ADGB: variants seen among roughly 807,000 people sequenced by gnomAD.
The protein encoded by ADGB is calpain-7-like protein.
In ADGB, 172 loss-of-function variants were observed where a neutral mutation model predicts 210.5. That is an observed-to-expected ratio of 0.82 (90% CI 0.72 to 0.93). ADGB has a LOEUF of 0.93. ADGB is among the 40% of genes least tolerant of loss of function. The pLI is 0.00. For missense variants in ADGB, 2,025 were observed against 1,964.8 expected (o/e 1.03, Z -0.58); for synonymous variants, 658 against 662.7 (o/e 0.99, Z 0.11).
chr6:146,813,656 A>G (rs1290873158), intron 35 of ADGB, among the ~76,000 whole-genome samples: 2 of 152,242 alleles, frequency 1.3e-5, no homozygotes, highest in Non-Finnish European at 2.9e-5. Flanking sequence ...TTAATGAATC[A>G]GTAAATCAAT....
chr6:146,728,922 A>G (rs1446783445), intron 20 of ADGB, among the ~76,000 whole-genome samples, 181 bp downstream of exon 20: 1 of 152,236 alleles, frequency 6.6e-6, no homozygotes, highest in Non-Finnish European at 1.5e-5. Context: ...TGAGAAAGAG[A>G]AAGAAATTGA....
intron 5 of ADGB, among the ~76,000 whole-genome samples, chr6:146,663,838 T>C (rs918328954): frequency 6.6e-6 from 1 of 152,122 alleles, no homozygotes; most frequent in South Asian, 2.1e-4. Flanking sequence ...ATTTTGACTA[T>C]GTTAAGTTAT....
intron 35 of ADGB, among the ~76,000 whole-genome samples, chr6:146,812,377 C>G (rs186448035): frequency 1.0e-3 from 158 of 152,092 alleles, no homozygotes; most frequent in Non-Finnish European, 2.1e-4. Context: ...ACATAAAACA[C>G]GAGTCACAGA....
intron 26 of ADGB, among the ~76,000 whole-genome samples, chr6:146,746,620 G>T (rs1469922894): frequency 6.6e-6 from 1 of 151,806 alleles, no homozygotes; most frequent in Admixed American, 6.6e-5. Flanking sequence ...TCCCTTTTCT[G>T]CACTTAATCA....
At chr6:146,666,165 TG>T (rs1290227600) in intron 6 of ADGB, among the ~76,000 whole-genome samples, 2 of 152,050 alleles carry the variant, frequency 1.3e-5, no homozygotes, top group Non-Finnish European at 2.9e-5. Context: ...GCTGAAGCCG[TG>T]ACTCCCGGGC....
chr6:146,611,806 A>G (rs1780715439), intron 1 of ADGB, among the ~76,000 whole-genome samples: 1 of 151,996 alleles, frequency 6.6e-6, no homozygotes, highest in Admixed American at 6.5e-5. Context: ...AAAAGGGATT[A>G]GTTTGAGCCT....
At chr6:146,683,458 TTTAA>T (rs1309003178) in intron 9 of ADGB, among the ~76,000 whole-genome samples, 2 of 152,130 alleles carry the variant, frequency 1.3e-5, no homozygotes, top group Non-Finnish European at 2.9e-5. Context: ...CAGCTTCTAG[TTTAA>T]TTAATCTGTG....
At chr6:146,718,851 TAAG>T (rs745863083) in intron 16 of ADGB, among the ~76,000 whole-genome samples, 9 of 152,062 alleles carry the variant, frequency 5.9e-5, no homozygotes, top group Non-Finnish European at 1.2e-4. Context: ...CCTCTGAAAA[TAAG>T]AATAGTGACT....
At position 146,724,243 on chromosome 6, in the gene ADGB, C is replaced by T; in HGVS notation, c.2153C>T (p.Ser718Phe). The T allele has an allele frequency of 1.3e-6, 2 of 1,551,118 alleles. No individual in the cohort carries two copies. Among genetic ancestry groups the T allele is most frequent in the Non-Finnish European group, 1.7e-6 (2 of 1,146,742 alleles). ...EPGLLTAETF[S>F]WKSLKPGSLV... ...GGACTTCTCACAGCTGAAACGTTTT[C>T]TTGGAAATCCCTGAAACCAGGCAGT... Residue 718 changes from serine to phenylalanine, a missense_variant, in exon 18 of 36, where the codon TCT becomes TTT. Coordinates refer to ENST00000397944, the MANE Select transcript of ADGB (RefSeq NM_024694.4).
intron 3 of ADGB, 65 bp downstream of exon 3, chr6:146,644,930 A>G: frequency 9.5e-7 from 1 of 1,052,212 alleles, no homozygotes; most frequent in Non-Finnish European, 1.3e-6. Context: ...ACTGATAAAA[A>G]TTTGCATTTT....
intron 35 of ADGB, among the ~76,000 whole-genome samples, chr6:146,806,835 T>C (rs981075187): frequency 3.3e-5 from 5 of 152,290 alleles, no homozygotes; most frequent in African/African-American, 9.6e-5. Flanking sequence ...GTGAAATCAG[T>C]TGATCCAGGA....
chr6:146,814,148 T>A (rs1778346406), intron 35 of ADGB, among the ~76,000 whole-genome samples: 1 of 152,182 alleles, frequency 6.6e-6, no homozygotes, highest in South Asian at 2.1e-4. Context: ...GGAAGTCCGA[T>A]TCTGACATCC....
rs1293978248 is a variant in ADGB at position 146,804,170 on chromosome 6, G to A, written c.4818+2159G>A. Among the ~76,000 whole-genome samples the A allele has an allele frequency of 2.0e-4, 31 of 152,004 alleles. 1 individual carries two copies. The highest frequency in any genetic ancestry group is 2.0e-3 in the Admixed American group (31 of 15,260). On this transcript the variant is annotated intron_variant, in intron 35 of 35. Transcript: ENST00000397944. ...GGAAGACTATACTTTATTGAAAATG[G>A]GAGTATCATACTAGAAAAGGGGAAA...
chr6:146,736,535 A>G lies in ADGB; in HGVS notation c.2832A>G (p.Gln944=). ...KENISVADTL[Q]KVWAVLEMNL... is the part of the protein sequence containing the mutation. ...ATATCAGTGTTGCAGATACTCTTCA[A>G]AAAGTTTGGGCTGTATTGGAAATGA... is the stretch of plus-strand genomic sequence containing the variant. The change falls in exon 23 of 36, where the codon CAA becomes CAG. Residue 944 remains glutamine, a synonymous_variant. Transcript: ENST00000397944. 6.5e-7 allele frequency: 1 copy of G among 1,549,242 alleles called. No homozygotes were observed. The highest frequency in any genetic ancestry group is 8.7e-7 in the Non-Finnish European group (1 of 1,145,824).
intron 19 of ADGB, among the ~76,000 whole-genome samples, chr6:146,727,833 G>A (rs1408619342): frequency 2.0e-5 from 3 of 152,168 alleles, no homozygotes; most frequent in East Asian, 3.9e-4. Flanking sequence ...TTCCAGTAAC[G>A]AGTCAGTTGC....
Position 146,717,540 on chromosome 6 carries a change from A to G in ADGB, c.1933A>G (p.Ile645Val), listed in dbSNP as rs1247526394. 3 of 1,384,346 alleles carry G rather than the reference A, an allele frequency of 2.2e-6. No homozygotes were observed. Among genetic ancestry groups the G allele is most frequent in the Non-Finnish European group, 3.0e-6 (3 of 1,012,780 alleles). The allele number at this position is 1,384,346 out of a possible 1,614,324, so 85.8% of individuals were successfully genotyped here. A position where few individuals can be genotyped will look rare whatever the true frequency, so the allele number is the denominator to read the frequency against. ...TTAAAAATGTCTTTCTTTCAGAAAT[A>G]TATATATTTTCCACAAGCCAAGTTC... ...FEDFCVCFQN[I>V]YIFHKPSSYC... The change falls in exon 16 of 36, where the codon ATA (isoleucine) becomes GTA (valine). Residue 645 changes from isoleucine (I) to valine (V), a missense_variant. Coordinates refer to ENST00000397944, the MANE Select transcript of ADGB (RefSeq NM_024694.4).
At chr6:146,600,926 GCACACACACACACA>G (rs35082520) in intron 1 of ADGB, among the ~76,000 whole-genome samples, 19 of 144,568 alleles carry the variant, frequency 1.3e-4, no homozygotes, top group African/African-American at 4.5e-4. Context: ...TCCCCCATGC[GCACACACACACACA>G]CACACACACA....
At chr6:146,751,749 T>C (rs930300919) in intron 26 of ADGB, among the ~76,000 whole-genome samples, 1 of 152,182 alleles carries the variant, frequency 6.6e-6, no homozygotes, top group Non-Finnish European at 1.5e-5. Context: ...CTATCTTTTA[T>C]GTGTTTGTTG....
intron 17 of ADGB, 81 bp from the exon 18 acceptor site, chr6:146,724,105 C>T (rs1381536846): frequency 2.7e-6 from 3 of 1,123,954 alleles, no homozygotes; most frequent in Non-Finnish European, 3.7e-6. Context: ...TATGTTGTTA[C>T]TTAATAAAAA....
Sources: allele counts gnomAD v4.1 joint callset (sites outside exome capture counted in the v4.1 genomes callset), GRCh38; gene constraint gnomAD v4.1.1; transcripts MANE v1.5; gene names NCBI Gene and HGNC (gene_info 2026-07-23, HGNC 2026-07-21).